Variants in DICER1 observed in about 807,000 individuals in gnomAD.
DICER1 encodes endoribonuclease Dicer.
Under a neutral mutation model 194.1 loss-of-function variants are expected in DICER1, and 43 were observed. That is an observed-to-expected ratio of 0.22 (90% CI 0.17 to 0.29). DICER1 has a LOEUF of 0.29. DICER1 is among the 10% of genes least tolerant of loss of function. The pLI is 1.00. For missense variants in DICER1, 1,608 were observed against 2,317.0 expected, an observed-to-expected ratio of 0.69 and a Z score of 6.28; for synonymous variants, 832 against 820.5, an observed-to-expected ratio of 1.01 and a Z score of -0.24.
In DICER1 at chr14:95,091,177, T is replaced by C. The variant is rs182626158; in HGVS notation, c.5527+26A>G. ...GTTGTTTTTAATTTTGTGGGTTTTT[T>C]TCTTTCTAAAGGGAGCCAACAATAC... On this transcript the variant is annotated intron_variant, in intron 25 of 26. Transcript: ENST00000343455. 131 of 1,614,198 alleles carry C rather than the reference T, an allele frequency of 8.1e-5. No individual in the cohort carries two copies. In the Middle Eastern group the frequency reaches 9.9e-4, roughly 12 times the overall value.
chr14:95,115,838 C>T lies in DICER1; in HGVS notation c.1753-17G>A, dbSNP rs746349052. On this transcript the variant is annotated splice_polypyrimidine_tract_variant and intron_variant, in intron 10 of 26. Transcript: ENST00000343455. ...TCTCAAGATCTGAACATTTAAAAAA[C>T]AGAACTTATGATGAAAACACATCCT... is the stretch of plus-strand genomic sequence containing the variant. The T allele has an allele frequency of 6.2e-7, 1 of 1,613,818 alleles. No individual in the cohort carries two copies. The highest frequency in any genetic ancestry group is 2.2e-5 in the East Asian group (1 of 44,878).
chr14:95,135,181 T>A (rs1170785673), intron 1 of DICER1, among the ~76,000 whole-genome samples: 3 of 152,166 alleles, frequency 2.0e-5, no homozygotes, highest in Admixed American at 6.5e-5. Context: ...TCGTGATACC[T>A]CCACAATTCT....
rs775289949 is a variant in DICER1 at position 95,111,459 on chromosome 14, AAC to A, written c.2117-5_2117-4del. The A allele has an allele frequency of 6.2e-7, 1 of 1,614,072 alleles. No individual in the cohort carries two copies. Among genetic ancestry groups the A allele is most frequent in the East Asian group, 2.2e-5 (1 of 44,886 alleles). ...CATCAAATGGTCATCCAGTTCGCCTAACAAATTTAAAGAGAGAATTAACACAA... is the reference window on the plus strand; with the variant it reads ...CATCAAATGGTCATCCAGTTCGCCTAAAATTTAAAGAGAGAATTAACACAA... On this transcript the variant is annotated splice_region_variant and splice_polypyrimidine_tract_variant and intron_variant, in intron 13 of 26. Coordinates refer to ENST00000343455, the MANE Select transcript of DICER1 (RefSeq NM_177438.3).
intron 13 of DICER1, 115 bp from the exon 14 acceptor site, chr14:95,111,571 C>A: frequency 2.6e-6 from 3 of 1,145,504 alleles, no homozygotes; most frequent in South Asian, 2.5e-5. Flanking sequence ...AACTAAAGCA[C>A]CTTTGCCTTT....
intron 1 of DICER1, among the ~76,000 whole-genome samples, chr14:95,144,851 A>G (rs778179391): frequency 6.6e-6 from 1 of 152,198 alleles, no homozygotes; most frequent in Non-Finnish European, 1.5e-5. Flanking sequence ...ACTTAAGAGT[A>G]AGGCATAAAC....
intron 1 of DICER1, among the ~76,000 whole-genome samples, chr14:95,155,042 A>C (rs1355138965): frequency 1.3e-5 from 2 of 152,220 alleles, no homozygotes; most frequent in Non-Finnish European, 2.9e-5. Context: ...ATGCCTCCAA[A>C]GATTCTGAAA....
intron 17 of DICER1, 134 bp from the exon 18 acceptor site, chr14:95,106,357 G>T: frequency 1.4e-6 from 1 of 712,972 alleles, no homozygotes; most frequent in Non-Finnish European, 2.4e-6. Flanking sequence ...ATAAACATCT[G>T]TATTCCAAAT....
chr14:95,122,892 CT>C (rs1241354278), intron 8 of DICER1, among the ~76,000 whole-genome samples: 1 of 151,812 alleles, frequency 6.6e-6, no homozygotes, highest in Non-Finnish European at 1.5e-5. Flanking sequence ...TTTAAAACCC[CT>C]AAACATTCAG....
intron 6 of DICER1, 40 bp from the exon 7 acceptor site, chr14:95,126,788 T>C: frequency 7.9e-7 from 1 of 1,258,524 alleles, no homozygotes; most frequent in East Asian, 2.5e-5. Flanking sequence ...ACTGCAGTAG[T>C]GAGAATGCAA....
At chr14:95,149,335 A>AGT (rs770088363) in intron 1 of DICER1, among the ~76,000 whole-genome samples, 1 of 152,238 alleles carries the variant, frequency 6.6e-6, no homozygotes, top group Admixed American at 6.5e-5. Flanking sequence ...TCCAGGCAAG[A>AGT]GTGTGACGCA....
In DICER1 at chr14:95,091,227, A is replaced by G. The variant is rs1407335437; in HGVS notation, c.5503T>C (p.Tyr1835His). The change falls in exon 25 of 27, where the codon TAT becomes CAT. Residue 1835 changes from tyrosine (Y) to histidine (H), a missense_variant. Physicochemically the swap from Tyr to His is moderately conservative, Grantham distance 83. This residue lies in a region of DICER1 where 138 missense variants were observed against 298.3 expected (regional missense o/e 0.46). Transcript: ENST00000343455. ...MSLETVWQVY[Y>H]PMMRPLIEKF... ...CCTATTAGTGGCCGCATCATGGGAT[A>G]GTACACCTGCCAGACTGTCTCCAGT... The G allele has an allele frequency of 6.2e-7, 1 of 1,614,178 alleles. No homozygotes were observed. Among genetic ancestry groups the G allele is most frequent in the South Asian group, 1.1e-5 (1 of 91,084 alleles).
Position 95,089,206 on chromosome 14 carries a change from T to C in DICER1, c.*1292A>G, listed in dbSNP as rs1889580205. On this transcript the variant is annotated 3_prime_UTR_variant, in exon 27 of 27. Transcript: ENST00000343455. The stretch of plus-strand genomic sequence containing the variant: ...TAGGCAAATGCCTAAAGAAGTTTTT[T>C]TTTTTTTCCTTTTCCAAAGATGGAA... The C allele has an allele frequency of 8.6e-6, 2 of 233,124 alleles. No individual in the cohort carries two copies. Among genetic ancestry groups the C allele is most frequent in the Admixed American group, 1.1e-4 (2 of 17,798 alleles). 14.4% of individuals were successfully genotyped at this position (233,124 alleles called of 1,614,324 possible).
rs770273518 is a variant in DICER1 at position 95,096,664 on chromosome 14, T to A, written c.4256A>T (p.Glu1419Val). 1.2e-6 allele frequency: 2 copies of A among 1,612,788 alleles called. No homozygotes were observed. Among genetic ancestry groups the A allele is most frequent in the Admixed American group, 3.3e-5 (2 of 59,814 alleles). The change falls in exon 23 of 27, where the codon GAG (glutamate) becomes GTG (valine). Residue 1419 changes from glutamate (E) to valine (V), a missense_variant. By Grantham distance (121) the Glu-to-Val change is moderately radical. Transcript: ENST00000343455. ...CAGGCTCTCCTCCTCCTCATCCTCC[T>A]CCTCGTAATCCTCATCCAGTTTGCC... ...ANGKLDEDYE[E>V]EDEEEESLMW... is the part of the protein sequence containing the mutation.
chr14:95,142,611 A>C (rs560627743), intron 1 of DICER1, among the ~76,000 whole-genome samples: 5 of 152,356 alleles, frequency 3.3e-5, no homozygotes, highest in Admixed American at 1.3e-4. Flanking sequence ...CCATACATAC[A>C]TTAGAAAGGT....
At position 95,094,859 on chromosome 14, in the gene DICER1, G is replaced by A. The variant is rs574139507; in HGVS notation, c.5096-703C>T. ...TGATTAAAATAATATATCCAGCTGAGGAAACTGAGGCAGGGACCGATGGTG... is the reference window on the plus strand; with the variant it reads ...TGATTAAAATAATATATCCAGCTGAAGAAACTGAGGCAGGGACCGATGGTG... On this transcript the variant is annotated intron_variant, in intron 23 of 26. Transcript: ENST00000343455. Among the ~76,000 whole-genome samples the A allele has an allele frequency of 1.1e-4, 16 of 152,292 alleles. No homozygotes were observed. In the East Asian group the frequency reaches 1.5e-3, roughly 15 times the overall value.
rs1016380652 is a variant in DICER1 at position 95,088,940 on chromosome 14, A to G, written c.*1558T>C. ...TGCTCAGCTTTCTTAAACTTCAAGCATAATTAACGGGGCAAATTGCAGCAA... is the reference window on the plus strand; with the variant it reads ...TGCTCAGCTTTCTTAAACTTCAAGCGTAATTAACGGGGCAAATTGCAGCAA... On this transcript the variant is annotated 3_prime_UTR_variant, in exon 27 of 27. Coordinates refer to ENST00000343455, the MANE Select transcript of DICER1 (RefSeq NM_177438.3). The G allele has an allele frequency of 3.0e-5, 7 of 233,574 alleles. No individual in the cohort carries two copies. Among genetic ancestry groups the G allele is most frequent in the African/African-American group, 1.5e-4 (7 of 45,338 alleles). The allele number at this position is 233,574 out of a possible 1,614,324, so 14.5% of individuals were successfully genotyped here. A position where few individuals can be genotyped will look rare whatever the true frequency, so the allele number is the denominator to read the frequency against.
At chr14:95,118,080 A>G (rs1892641640) in intron 8 of DICER1, among the ~76,000 whole-genome samples, 1 of 152,210 alleles carries the variant, frequency 6.6e-6, no homozygotes, top group Non-Finnish European at 1.5e-5. Context: ...GTCAGAGAGA[A>G]ACACGGATCC....
At chr14:95,111,594 G>A in intron 13 of DICER1, 138 bp from the exon 14 acceptor site, 3 of 949,774 alleles carry the variant, frequency 3.2e-6, no homozygotes, top group Non-Finnish European at 4.9e-6. Flanking sequence ...CAATTTAAAA[G>A]TAATCAGATT....
Position 95,106,008 on chromosome 14 carries a change from T to G in DICER1, c.2987+33A>C, listed in dbSNP as rs371443605. 4.7e-5 allele frequency: 75 copies of G among 1,609,354 alleles called. No individual in the cohort carries two copies. The highest frequency in any genetic ancestry group is 1.7e-4 in the Admixed American group (10 of 60,020). ...TGATGTCTGGTAAGAATCCCTCAAG[T>G]GCAATCCAAGTGTCATCTCTGAAGC... On this transcript the variant is annotated intron_variant, in intron 18 of 26. Transcript: ENST00000343455.
Sources: allele counts gnomAD v4.1 joint callset (sites outside exome capture counted in the v4.1 genomes callset), GRCh38; gene constraint gnomAD v4.1.1; regional missense constraint gnomAD v4.1.1; transcripts MANE v1.5; gene names NCBI Gene and HGNC (gene_info 2026-07-23, HGNC 2026-07-21).